Variants in HKDC1 observed in about 807,000 individuals in gnomAD.
HKDC1 encodes hexokinase HKDC1.
Under a neutral mutation model 96.6 loss-of-function variants are expected in HKDC1, and 66 were observed. The ratio of observed to expected loss-of-function variants is 0.68; its 90% confidence interval spans 0.56 to 0.84. The LOEUF is 0.84. Among genes scored for constraint, HKDC1 ranks in the 40% least tolerant of loss-of-function variants. The probability of loss-of-function intolerance (pLI) is 0.00; values close to 1 mark genes in which losing one functional copy is unlikely to be tolerated. For missense variants in HKDC1, 1,211 were observed against 1,208.1 expected, an observed-to-expected ratio of 1.00 and a Z score of -0.04; for synonymous variants, 466 against 473.1, an observed-to-expected ratio of 0.98 and a Z score of 0.20.
intron 2 of HKDC1, among the ~76,000 whole-genome samples, chr10:69,231,137 C>T (rs1425963801): frequency 2.6e-5 from 4 of 152,176 alleles, no homozygotes; most frequent in Admixed American, 1.3e-4. Context: ...GGGATGCCTC[C>T]ACACCGACAC....
chr10:69,226,633 C>T (rs530578384), intron 1 of HKDC1, among the ~76,000 whole-genome samples: 52 of 149,940 alleles, frequency 3.5e-4, no homozygotes, highest in African/African-American at 7.8e-4. Flanking sequence ...CCAGCCTGGG[C>T]GACAGAGTGA....
At chr10:69,237,277 T>TTGTCTGTGTG (rs377104081) in intron 4 of HKDC1, among the ~76,000 whole-genome samples, 331 of 145,690 alleles carry the variant, frequency 2.3e-3, no homozygotes, top group Middle Eastern at 0.021. Flanking sequence ...AGAAATTTCT[T>TTGTCTGTGTG]TGTGTGTGTG....
intron 10 of HKDC1, among the ~76,000 whole-genome samples, chr10:69,249,640 C>T (rs1419647367): frequency 3.3e-5 from 5 of 152,180 alleles, no homozygotes; most frequent in African/African-American, 4.8e-5. Flanking sequence ...GGACTACAGG[C>T]GCCCAGCACC....
chr10:69,264,031 G>A (rs948286338), intron 16 of HKDC1, among the ~76,000 whole-genome samples: 1 of 152,122 alleles, frequency 6.6e-6, no homozygotes, highest in Non-Finnish European at 1.5e-5. Flanking sequence ...ATGGTGGTGG[G>A]CCTATAATCC....
chr10:69,246,281 G>A (rs1318559873), intron 8 of HKDC1, 47 bp downstream of exon 8: 1 of 1,601,684 alleles, frequency 6.2e-7, no homozygotes, highest in African/African-American at 1.3e-5. Flanking sequence ...TGGGATGGGA[G>A]GCCCAGGTGT....
At chr10:69,259,779 C>T (rs1447471650) in intron 15 of HKDC1, among the ~76,000 whole-genome samples, 3 of 152,234 alleles carry the variant, frequency 2.0e-5, no homozygotes, top group Non-Finnish European at 4.4e-5. Flanking sequence ...AGGCGTTACA[C>T]ACTATTAAAA....
intron 4 of HKDC1, among the ~76,000 whole-genome samples, chr10:69,236,218 C>T (rs1450572929): frequency 3.3e-5 from 5 of 151,206 alleles, no homozygotes; most frequent in African/African-American, 1.2e-4. Flanking sequence ...AGGCAATTCT[C>T]CTGTCTCAGC....
intron 1 of HKDC1, among the ~76,000 whole-genome samples, chr10:69,225,154 A>G (rs1260306492): frequency 6.6e-6 from 1 of 152,272 alleles, no homozygotes; most frequent in East Asian, 1.9e-4. Context: ...AATGACCCCA[A>G]CTGGGTCTCA....
Position 69,265,499 on chromosome 10 carries a change from C to T in HKDC1, c.2373-86C>T. 4.3e-6 allele frequency: 5 copies of T among 1,174,284 alleles called. No individual in the cohort carries two copies. The South Asian group carries it at 6.4e-5, about 15-fold the overall frequency. 72.7% of individuals were successfully genotyped at this position (1,174,284 alleles called of 1,614,324 possible). On this transcript the variant is annotated intron_variant, in intron 16 of 17. Coordinates refer to ENST00000354624, the MANE Select transcript of HKDC1 (RefSeq NM_025130.4). ...TTTCTCCTCCCTCCTGTAAGGGCAT[C>T]TAAGAATGGGGAGGCTGTGGGTCAC...
At chr10:69,242,798 C>CTTAAGGAAAGAATTTTCAAA (rs1208414757) in intron 6 of HKDC1, among the ~76,000 whole-genome samples, 1 of 152,164 alleles carries the variant, frequency 6.6e-6, no homozygotes, top group Admixed American at 6.5e-5. Context: ...AGAGAGGAAG[C>CTTAAGGAAAGAATTTTCAAA]TAAGTAGCTT....
chr10:69,224,322 C>A (rs2132328682), intron 1 of HKDC1, among the ~76,000 whole-genome samples: 1 of 152,262 alleles, frequency 6.6e-6, no homozygotes, highest in African/African-American at 2.4e-5. Flanking sequence ...CTCGCTCTGT[C>A]ACCCAGGCTG....
chr10:69,253,349 A>G (rs565460684), intron 12 of HKDC1, among the ~76,000 whole-genome samples: 1 of 152,282 alleles, frequency 6.6e-6, no homozygotes, highest in South Asian at 2.1e-4. Context: ...GTGCCCACAC[A>G]GAAAGCCTCC....
rs1006633550 is a variant in HKDC1 at position 69,236,152 on chromosome 10, A to G, written c.496-2890A>G. 1.4e-4 allele frequency among the ~76,000 whole-genome samples: 21 copies of G among 146,182 alleles called. No homozygotes were observed. In the East Asian group the frequency reaches 4.0e-3, roughly 28 times the overall value. ...TTTTTTTTTTTGAGCTCTGTCGCCCAGGCTGGAGTGCAGTGGTGTGATCTC... is the reference window on the plus strand; with the variant it reads ...TTTTTTTTTTTGAGCTCTGTCGCCCGGGCTGGAGTGCAGTGGTGTGATCTC... On this transcript the variant is annotated intron_variant, in intron 4 of 17. Transcript: ENST00000354624.
rs1231177784 is a variant in HKDC1 at position 69,240,713 on chromosome 10, C to T, written c.653C>T (p.Ala218Val). The change falls in exon 6 of 18, where the codon GCC (alanine) becomes GTC (valine). Residue 218 changes from alanine to valine, a missense_variant. Ala to Val is a moderately conservative substitution (Grantham distance 64). Coordinates refer to ENST00000354624, the MANE Select transcript of HKDC1 (RefSeq NM_025130.4). Reference protein sequence around the residue: ...NDTVGTMMTCAYDDPYCEVGV... With the variant: ...NDTVGTMMTCVYDDPYCEVGV... Reference sequence around the variant, plus strand: ...ACCGTGGGGACCATGATGACCTGTGCCTATGACGACCCCTACTGCGAAGTT... The same window carrying T: ...ACCGTGGGGACCATGATGACCTGTGTCTATGACGACCCCTACTGCGAAGTT... 1 of 1,613,938 alleles carries T rather than the reference C, an allele frequency of 6.2e-7. No individual in the cohort carries two copies. Among genetic ancestry groups the T allele is most frequent in the Non-Finnish European group, 8.5e-7 (1 of 1,179,974 alleles).
chr10:69,246,089 ATGATCAG>A lies in HKDC1; in HGVS notation c.889_895del (p.Ile297AlafsTer13). On this transcript the variant is annotated frameshift_variant, in exon 8 of 18. Coordinates refer to ENST00000354624, the MANE Select transcript of HKDC1 (RefSeq NM_025130.4). LOFTEE classifies it high-confidence loss of function. ...TTCACCAACCTGCAGGTTCGAGAAGATGATCAGTGGCCTGTACCTGGGGGAGCTTGTC... is the reference window on the plus strand; with the variant it reads ...TTCACCAACCTGCAGGTTCGAGAAGATGGCCTGTACCTGGGGGAGCTTGTC... 6.2e-7 allele frequency: 1 copy of A among 1,614,110 alleles called. No homozygotes were observed. The highest frequency in any genetic ancestry group is 8.5e-7 in the Non-Finnish European group (1 of 1,179,936).
At chr10:69,265,224 CT>C (rs1330391091) in intron 16 of HKDC1, 2 of 223,790 alleles carry the variant, frequency 8.9e-6, no homozygotes, top group African/African-American at 4.7e-5. Context: ...ATTTGAGCCC[CT>C]GCTCTCTAAC....
At chr10:69,232,378 C>T (rs1005250666) in intron 2 of HKDC1, 82 of 214,430 alleles carry the variant, frequency 3.8e-4, no homozygotes, top group African/African-American at 1.7e-3. Flanking sequence ...TACCTTTATC[C>T]GAGTTTCCCC....
intron 5 of HKDC1, among the ~76,000 whole-genome samples, chr10:69,239,814 C>T (rs1843427576): frequency 6.9e-6 from 1 of 144,188 alleles, no homozygotes; most frequent in Non-Finnish European, 1.5e-5. Flanking sequence ...GTTGCCCAGG[C>T]TGGCAGTGCC....
chr10:69,220,619 T>C (rs762424117), intron 1 of HKDC1, 121 bp downstream of exon 1: 84 of 625,056 alleles, frequency 1.3e-4, no homozygotes, highest in Non-Finnish European at 2.0e-4. Flanking sequence ...ACTGGGAGCA[T>C]ATGACCAGTA....
Sources: gnomAD v4.1 joint callset for allele counts (sites outside exome capture counted in the v4.1 genomes callset) on GRCh38, gnomAD v4.1.1 for gene constraint, MANE v1.5 for transcripts, NCBI Gene and HGNC (gene_info 2026-07-23, HGNC 2026-07-21) for gene names.